The following NCOR2 variants were observed in gnomAD, a reference collection of about 807,000 sequenced individuals.
NCOR2 encodes nuclear receptor corepressor 2.
NCOR2 carries 81 observed loss-of-function variants against 262.9 expected under a neutral mutation model. The observed-to-expected ratio is 0.31, with a 90% CI of 0.26 to 0.37. The LOEUF (loss-of-function observed/expected upper bound fraction) is 0.37. Ranked by LOEUF, NCOR2 falls within the 10% of genes least tolerant of loss-of-function variation. The pLI is 1.00. For missense variants in NCOR2, 3,385 were observed against 3,621.4 expected, an observed-to-expected ratio of 0.93 and a Z score of 1.68; for synonymous variants, 1,659 against 1,559.3, an observed-to-expected ratio of 1.06 and a Z score of -1.51.
At chr12:124,367,464 C>T (rs1199727861) in intron 20 of NCOR2, among the ~76,000 whole-genome samples, 1 of 152,106 alleles carries the variant, frequency 6.6e-6, no homozygotes, top group Non-Finnish European at 1.5e-5. Flanking sequence ...CCTAAGCCCC[C>T]AGAGGGAGCG....
chr12:124,353,877 A>G (rs1409886956), intron 27 of NCOR2, among the ~76,000 whole-genome samples: 1 of 152,180 alleles, frequency 6.6e-6, no homozygotes, highest in African/African-American at 2.4e-5. Flanking sequence ...CTTCCACTAC[A>G]TGGCAGCTCC....
At chr12:124,415,701 G>A (rs2042822003) in intron 13 of NCOR2, among the ~76,000 whole-genome samples, 1 of 152,218 alleles carries the variant, frequency 6.6e-6, no homozygotes, top group Non-Finnish European at 1.5e-5. Context: ...GGCAGCTTCA[G>A]CAGGGGATAA....
chr12:124,329,219 G>T, intron 44 of NCOR2: 1 of 457,996 alleles, frequency 2.2e-6, no homozygotes, highest in Non-Finnish European at 4.4e-6. Context: ...CCAGCACTTT[G>T]GGAGGCCCAA....
intron 13 of NCOR2, among the ~76,000 whole-genome samples, chr12:124,416,029 A>T (rs1427262238): frequency 6.6e-6 from 1 of 152,118 alleles, no homozygotes; most frequent in Non-Finnish European, 1.5e-5. Flanking sequence ...GTTTCACATA[A>T]AACTGGATTT....
At chr12:124,411,667 G>C (rs769216940) in intron 13 of NCOR2, among the ~76,000 whole-genome samples, 3 of 152,232 alleles carry the variant, frequency 2.0e-5, no homozygotes, top group Non-Finnish European at 4.4e-5. Flanking sequence ...CTAGGATAAC[G>C]CGGCCCTTCC....
Position 124,503,794 on chromosome 12 carries a change from A to G in NCOR2, c.-117-8426T>C, listed in dbSNP as rs948692175. On this transcript the variant is annotated intron_variant, in intron 1 of 46. Coordinates refer to the NCOR2 transcript ENST00000404621. This position sits in a 1 kb window ranked among gnomAD's most constrained non-coding sequence, Gnocchi z 4.3. Reference sequence around the variant, plus strand: ...TGGATGGATGGGCGGATGGATGCACACACTCATCACCAGATGGGTATCAAC... The same window carrying G: ...TGGATGGATGGGCGGATGGATGCACGCACTCATCACCAGATGGGTATCAAC... Among the ~76,000 whole-genome samples the G allele has an allele frequency of 6.6e-6, 1 of 152,108 alleles. No individual in the cohort carries two copies. Among genetic ancestry groups the G allele is most frequent in the African/African-American group, 2.4e-5 (1 of 41,416 alleles).
intron 20 of NCOR2, among the ~76,000 whole-genome samples, chr12:124,368,159 C>T (rs889444934): frequency 2.6e-5 from 4 of 152,236 alleles, no homozygotes; most frequent in Admixed American, 1.3e-4. Flanking sequence ...ACGAAAGCTT[C>T]AAGGGCTGTC....
At chr12:124,515,359 T>G (rs2049668973) in intron 1 of NCOR2, among the ~76,000 whole-genome samples, 1 of 140,538 alleles carries the variant, frequency 7.1e-6, no homozygotes. Context: ...GGTGACGGAG[T>G]GAGACTCGGT....
chr12:124,372,953 G>C (rs1216273045), intron 19 of NCOR2, among the ~76,000 whole-genome samples: 1 of 152,240 alleles, frequency 6.6e-6, no homozygotes, highest in Admixed American at 6.5e-5. Flanking sequence ...TTCGTCCTGG[G>C]GGTCTCCATG....
intron 17 of NCOR2, chr12:124,383,447 C>T: frequency 8.5e-6 from 6 of 702,666 alleles, no homozygotes; most frequent in Non-Finnish European, 1.2e-5. Context: ...CCACACTCAA[C>T]AGGGTGCCTT....
At chr12:124,360,670 C>T (rs1283648799) in intron 22 of NCOR2, among the ~76,000 whole-genome samples, 1 of 151,664 alleles carries the variant, frequency 6.6e-6, no homozygotes, top group Non-Finnish European at 1.5e-5. Flanking sequence ...CCACCCTTCC[C>T]TGGCCACAAC....
At position 124,379,014 on chromosome 12, in the gene NCOR2, A is replaced by G. The variant is rs7967845; in HGVS notation, c.2020-630T>C. 4.3e-3 allele frequency among the ~76,000 whole-genome samples: 414 copies of G among 96,282 alleles called. 5 individuals carry two copies. The highest frequency in any genetic ancestry group is 0.01 in the African/African-American group (202 of 19,934). The allele number at this position is 96,282 out of a possible 152,430, so 63.2% of individuals were successfully genotyped here. A position where few individuals can be genotyped will look rare whatever the true frequency, so the allele number is the denominator to read the frequency against. ...GATCAGAGGGTCGCGTGGGTGAAAC[A>G]GGATGGGACAAGGAGCACAAGGCAG... On this transcript the variant is annotated intron_variant, in intron 17 of 46. Coordinates refer to ENST00000405201, the Ensembl canonical transcript of NCOR2.
chr12:124,484,335 A>G (rs567658701), intron 2 of NCOR2, among the ~76,000 whole-genome samples: 1 of 152,174 alleles, frequency 6.6e-6, no homozygotes, highest in African/African-American at 2.4e-5. Context: ...CCTGGTGCAG[A>G]GACTGGAGCT....
At chr12:124,429,426 C>T (rs2136343628) in intron 10 of NCOR2, 187 bp downstream of exon 12, 1 of 629,052 alleles carries the variant, frequency 1.6e-6, no homozygotes. Context: ...ATTAACACCC[C>T]TCTCTCTGCT....
Position 124,327,605 on chromosome 12 carries a change from C to A in NCOR2, c.6987G>T (p.Val2329=), listed in dbSNP as rs757664754. Residue 2329 remains valine, a synonymous_variant, in exon 45 of 47, where the codon GTG becomes GTT. Transcript: ENST00000405201. ...CCATGTTGGTGCTGGCATGTTCCTG[C>A]ACCGCCTGGCTTCTATAGGTCATAA... 10 of 1,611,672 alleles carry A rather than the reference C, an allele frequency of 6.2e-6. No homozygotes were observed. The South Asian group carries it at 9.9e-5, about 16-fold the overall frequency.
chr12:124,333,963 T>C (rs973539946), intron 41 of NCOR2, among the ~76,000 whole-genome samples: 5 of 149,478 alleles, frequency 3.3e-5, no homozygotes, highest in Admixed American at 6.6e-5. Flanking sequence ...CGTGTGTGTG[T>C]GCGGGTGCGC....
At chr12:124,417,855 T>C (rs2042993409) in intron 13 of NCOR2, among the ~76,000 whole-genome samples, 1 of 151,624 alleles carries the variant, frequency 6.6e-6, no homozygotes, top group African/African-American at 2.4e-5. Context: ...AGGTCAGGAG[T>C]TCGAGACCAG....
chr12:124,334,105 G>A (rs889635382), intron 41 of NCOR2, among the ~76,000 whole-genome samples: 2 of 152,210 alleles, frequency 1.3e-5, no homozygotes, highest in Admixed American at 6.5e-5. Flanking sequence ...CTGTGGGCAA[G>A]TGAATTCACT....
intron 5 of NCOR2, among the ~76,000 whole-genome samples, chr12:124,459,038 G>A (rs916833185): frequency 6.6e-6 from 1 of 152,194 alleles, no homozygotes; most frequent in East Asian, 1.9e-4. Context: ...AACAATGGCT[G>A]TTGGTTAAGA....
Sources: gnomAD v4.1 joint callset for allele counts (sites outside exome capture counted in the v4.1 genomes callset) on GRCh38, gnomAD v4.1.1 for gene constraint, Gnocchi (gnomAD v3.1) non-coding constraint, MANE v1.5 for transcripts, NCBI Gene and HGNC (gene_info 2026-07-23, HGNC 2026-07-21) for gene names.